The following TTLL2 variants were observed in gnomAD, a reference collection of about 807,000 sequenced individuals.
TTLL2 encodes probable tubulin polyglutamylase TTLL2.
A neutral mutation model predicts 7.5 loss-of-function variants in TTLL2; 10 were observed. The observed-to-expected ratio is 1.33, with a 90% CI of 0.82 to 2.25. The LOEUF (loss-of-function observed/expected upper bound fraction) is 2.25, where lower values mean the gene tolerates loss of function less well. TTLL2 is among the 30% of genes most tolerant of loss of function. The pLI, the probability that TTLL2 is intolerant of heterozygous loss-of-function variation, is 0.00. For synonymous variants in TTLL2, 284 were observed against 280.3 expected (o/e 1.01, Z -0.13); for missense variants, 733 against 735.7 (o/e 1.00, Z 0.04).
intron 1 of TTLL2, among the ~76,000 whole-genome samples, chr6:167,329,972 CAT>C (rs1300291854): frequency 3.3e-5 from 5 of 152,148 alleles, no homozygotes; most frequent in African/African-American, 1.2e-4. Context: ...GATACACACA[CAT>C]GTACATGCAG....
Position 167,338,732 on chromosome 6 carries a change from G to A in TTLL2, c.133G>A (p.Ala45Thr). The A allele has an allele frequency of 6.2e-7, 1 of 1,614,100 alleles. No homozygotes were observed. The highest frequency in any genetic ancestry group is 8.5e-7 in the Non-Finnish European group (1 of 1,179,984). Residue 45 changes from alanine to threonine, a missense_variant, in exon 2 of 3, where the codon GCA becomes ACA. Ala to Thr is a moderately conservative substitution (Grantham distance 58, BLOSUM62 0). Transcript: ENST00000239587. Reference protein sequence around the residue: ...HTEQPPAGLGARLQEAGVSIP... With the variant: ...HTEQPPAGLGTRLQEAGVSIP... ...TGAGCAGCCGCCTGCAGGCCTGGGA[G>A]CAAGGCTACAGGAAGCAGGTGTTTC... is the stretch of plus-strand genomic sequence containing the variant.
intron 1 of TTLL2, among the ~76,000 whole-genome samples, chr6:167,328,696 G>A (rs1038330563): frequency 4.3e-4 from 66 of 152,156 alleles, no homozygotes; most frequent in African/African-American, 1.6e-3. Flanking sequence ...AGCGGGTGGC[G>A]TTTCACAGTA....
At chr6:167,336,942 C>T (rs1222698722) in intron 1 of TTLL2, among the ~76,000 whole-genome samples, 2 of 152,186 alleles carry the variant, frequency 1.3e-5, no homozygotes, top group African/African-American at 4.8e-5. Context: ...CCACCTCTGT[C>T]CCCCGCCCTG....
At chr6:167,331,448 C>A (rs56034275) in intron 1 of TTLL2, among the ~76,000 whole-genome samples, 17 of 152,126 alleles carry the variant, frequency 1.1e-4, no homozygotes, top group African/African-American at 3.9e-4. Flanking sequence ...CTCTGTTGTA[C>A]GTTTTACTTC....
chr6:167,329,173 G>A (rs886913565), intron 1 of TTLL2, among the ~76,000 whole-genome samples: 4 of 152,076 alleles, frequency 2.6e-5, no homozygotes, highest in Admixed American at 2.6e-4. Context: ...TGAAACACAG[G>A]CTCCCACCTC....
intron 2 of TTLL2, among the ~76,000 whole-genome samples, chr6:167,339,504 G>A (rs1779040495): frequency 1.3e-5 from 2 of 151,976 alleles, no homozygotes; most frequent in Admixed American, 6.5e-5. Flanking sequence ...TGTTCTTTCC[G>A]ACTCTCTTTG....
intron 1 of TTLL2, among the ~76,000 whole-genome samples, chr6:167,336,924 G>C (rs73266971): frequency 6.6e-6 from 1 of 152,122 alleles, no homozygotes; most frequent in Non-Finnish European, 1.5e-5. Context: ...GCCTTGGGGG[G>C]CTCCTCCCCA....
Position 167,341,236 on chromosome 6 carries a change from G to A in TTLL2, c.1336G>A (p.Gly446Arg). 1 of 1,613,592 alleles carries A rather than the reference G, an allele frequency of 6.2e-7. No homozygotes were observed. The highest frequency in any genetic ancestry group is 8.5e-7 in the Non-Finnish European group (1 of 1,179,984). ...NIDAAKSDRG[G>R]LDAPDCLPYD... ...CGACGCTGCAAAAAGTGACAGAGGT[G>A]GGCTTGATGCTCCTGACTGTCTTCC... is the stretch of plus-strand genomic sequence containing the variant. The change falls in exon 3 of 3, where the codon GGG becomes AGG. Residue 446 changes from glycine to arginine, a missense_variant. Physicochemically the swap from Gly to Arg is moderately radical, Grantham distance 125. Transcript: ENST00000239587.
intron 1 of TTLL2, chr6:167,327,959 A>G (rs545672160): frequency 8.4e-4 from 385 of 455,990 alleles, no homozygotes; most frequent in Non-Finnish European, 1.4e-3. Flanking sequence ...GTCACTTGAG[A>G]AGGGCCCCTC....
At chr6:167,328,570 T>C (rs999114932) in intron 1 of TTLL2, among the ~76,000 whole-genome samples, 5 of 152,242 alleles carry the variant, frequency 3.3e-5, no homozygotes, top group Non-Finnish European at 7.3e-5. Flanking sequence ...TGGTGGAAGA[T>C]GCCATATGTG....
In TTLL2 at chr6:167,340,792, A is replaced by T. The variant is rs778458262; in HGVS notation, c.892A>T (p.Thr298Ser). ...TTTGCAAAACAATTATGCCCATTTGACCAACAGCAGCATCAATAAATCCGG... is the reference window on the plus strand; with the variant it reads ...TTTGCAAAACAATTATGCCCATTTGTCCAACAGCAGCATCAATAAATCCGG... Reference protein sequence around the residue: ...SNLQNNYAHLTNSSINKSGAS... With the variant: ...SNLQNNYAHLSNSSINKSGAS... Residue 298 changes from threonine to serine, a missense_variant, in exon 3 of 3, where the codon ACC (threonine) becomes TCC (serine). Transcript: ENST00000239587. 6.2e-7 allele frequency: 1 copy of T among 1,614,146 alleles called. No individual in the cohort carries two copies. The highest frequency in any genetic ancestry group is 8.5e-7 in the Non-Finnish European group (1 of 1,180,036).
intron 1 of TTLL2, among the ~76,000 whole-genome samples, chr6:167,336,173 C>A (rs925207177): frequency 6.6e-6 from 1 of 151,802 alleles, no homozygotes; most frequent in South Asian, 2.1e-4. Context: ...AGTGTGGGGG[C>A]AGCTGAGGAT....
intron 1 of TTLL2, among the ~76,000 whole-genome samples, chr6:167,337,435 G>A (rs1016718284): frequency 9.2e-5 from 14 of 152,284 alleles, no homozygotes; most frequent in Admixed American, 5.9e-4. Context: ...GACCAGGCAC[G>A]GTGGAGCCTG....
rs1779025084 is a variant in TTLL2, at chr6:167,338,667, C to T, written c.68C>T (p.Pro23Leu). ...CACAGATCTTTGAGAACCACCACCC[C>T]AGCCTTTACCCTTAACATTCCATCC... is the stretch of plus-strand genomic sequence containing the variant. ...QALGSLRTTT[P>L]AFTLNIPSEA... The change falls in exon 2 of 3, where the codon CCA becomes CTA. Residue 23 changes from proline (P) to leucine (L), a missense_variant. Physicochemically the swap from Pro to Leu is moderately conservative, Grantham distance 98. Transcript: ENST00000239587. 2 of 1,613,840 alleles carry T rather than the reference C, an allele frequency of 1.2e-6. No individual in the cohort carries two copies. Among genetic ancestry groups the T allele is most frequent in the Admixed American group, 3.3e-5 (2 of 59,992 alleles).
Position 167,340,779 on chromosome 6 carries a change from T to C in TTLL2, c.879T>C (p.Asn293=). Residue 293 remains asparagine (N), a synonymous_variant, in exon 3 of 3, where the codon AAT becomes AAC. Coordinates refer to ENST00000239587, the MANE Select transcript of TTLL2 (RefSeq NM_031949.5). ...EKFDLSNLQN[N]YAHLTNSSIN... ...TTGACCTCAGTAATTTGCAAAACAA[T>C]TATGCCCATTTGACCAACAGCAGCA... 6.2e-7 allele frequency: 1 copy of C among 1,614,184 alleles called. No individual in the cohort carries two copies. Among genetic ancestry groups the C allele is most frequent in the Non-Finnish European group, 8.5e-7 (1 of 1,180,024 alleles).
chr6:167,338,828 C>CTTCT, intron 2 of TTLL2, 25 bp downstream of exon 2: 1 of 1,261,622 alleles, frequency 7.9e-7, no homozygotes, highest in Non-Finnish European at 1.1e-6. Context: ...CAGGTAGTTC[C>CTTCT]TTCCTTCCTT....
intron 1 of TTLL2, among the ~76,000 whole-genome samples, chr6:167,330,205 A>G (rs79894738): frequency 0.014 from 2,112 of 152,310 alleles, 72 homozygotes; most frequent in Admixed American, 0.086. Context: ...GAGCAATGGA[A>G]TGGGAATTGT....
chr6:167,325,796 G>A (rs906081778), intron 1 of TTLL2, among the ~76,000 whole-genome samples: 4 of 151,756 alleles, frequency 2.6e-5, no homozygotes, highest in African/African-American at 9.7e-5. Flanking sequence ...TCAAGGAGGA[G>A]TGGGCATTCA....
rs1164278664 is a variant in TTLL2 at position 167,340,637 on chromosome 6, C to G, written c.737C>G (p.Pro246Arg). Residue 246 changes from proline (P) to arginine (R), a missense_variant, in exon 3 of 3, where the codon CCT becomes CGT. Physicochemically the swap from Pro to Arg is moderately radical, Grantham distance 103 (BLOSUM62 -2). Coordinates refer to ENST00000239587, the MANE Select transcript of TTLL2 (RefSeq NM_031949.5). ...ATAGTGCAGAAATATATCTCCAATC[C>G]TTTACTTATTGGCAGATATAAATGT... Reference protein sequence around the residue: ...MYIVQKYISNPLLIGRYKCDL... With the variant: ...MYIVQKYISNRLLIGRYKCDL... 5.6e-6 allele frequency: 9 copies of G among 1,614,038 alleles called. No individual in the cohort carries two copies. The highest frequency in any genetic ancestry group is 6.8e-6 in the Non-Finnish European group (8 of 1,179,948).
Sources: gnomAD v4.1 joint callset for allele counts (sites outside exome capture counted in the v4.1 genomes callset) on GRCh38, gnomAD v4.1.1 for gene constraint, MANE v1.5 for transcripts, NCBI Gene and HGNC (gene_info 2026-07-23, HGNC 2026-07-21) for gene names.